Variants in OR7C1 observed in about 807,000 individuals in gnomAD.
OR7C1 encodes the protein olfactory receptor 7C1.
For missense variants in OR7C1, 324 were observed against 383.3 expected, an observed-to-expected ratio of 0.85 and a Z score of 1.29; for synonymous variants, 152 against 160.7, an observed-to-expected ratio of 0.95 and a Z score of 0.41.
rs1296013677 is a variant in OR7C1 at position 14,799,132 on chromosome 19, A to G, written c.*42T>C. ...ATACATTGATGTTTGGATACATTCA[A>G]GAACCACCAAAAGTGCCTCCCAATG... On this transcript the variant is annotated 3_prime_UTR_variant, in exon 5 of 5. Coordinates refer to ENST00000641666, the Ensembl canonical transcript of OR7C1. 1.9e-6 allele frequency: 3 copies of G among 1,550,572 alleles called. No individual in the cohort carries two copies. The South Asian group carries it at 3.8e-5, about 20-fold the overall frequency.
intron 1 of OR7C1, among the ~76,000 whole-genome samples, chr19:14,819,686 G>A (rs555846337): frequency 9.2e-5 from 14 of 152,184 alleles, no homozygotes; most frequent in Non-Finnish European, 1.0e-4. Context: ...GAGATTTCCT[G>A]TGTATTCTTC....
chr19:14,828,175 G>T, intron 1 of OR7C1: 1 of 1,613,790 alleles, frequency 6.2e-7, no homozygotes, highest in Admixed American at 1.7e-5. Flanking sequence ...AAGGGTTGCA[G>T]TCCAGGTTCT....
At chr19:14,823,581 A>G (rs1470405144) in intron 1 of OR7C1, among the ~76,000 whole-genome samples, 1 of 152,208 alleles carries the variant, frequency 6.6e-6, no homozygotes, top group Non-Finnish European at 1.5e-5. Context: ...TGTACATTGT[A>G]CCCATTAAGT....
intron 1 of OR7C1, chr19:14,827,720 GA>G: frequency 6.2e-7 from 1 of 1,614,132 alleles, no homozygotes; most frequent in Non-Finnish European, 8.5e-7. Flanking sequence ...AAAAGTGGGG[GA>G]TTTCTAAGGC....
intron 2 of OR7C1, among the ~76,000 whole-genome samples, chr19:14,806,111 A>T (rs532887478): frequency 2.0e-5 from 3 of 152,054 alleles, no homozygotes; most frequent in Non-Finnish European, 2.9e-5. Context: ...CTTTAACTCA[A>T]GACAAGGTTT....
chr19:14,799,866 A>C (rs753177216), exon 5 of OR7C1: 1 of 1,614,060 alleles, frequency 6.2e-7, no homozygotes. Flanking sequence ...TATGTTATGA[A>C]TTTGTTCTGT....
chr19:14,825,435 T>A (rs1197776323), intron 1 of OR7C1: 1 of 151,970 alleles, frequency 6.6e-6, no homozygotes, highest in Admixed American at 6.6e-5. Context: ...AAGAGTAGAG[T>A]TTAGGTGCTC....
intron 1 of OR7C1, chr19:14,828,047 G>T (rs756772915): frequency 1.2e-6 from 2 of 1,614,200 alleles, no homozygotes; most frequent in South Asian, 1.1e-5. Flanking sequence ...CAAAGGACAG[G>T]TTGGAGAGGA....
chr19:14,828,396 T>C (rs1203385490), intron 1 of OR7C1: 1 of 811,608 alleles, frequency 1.2e-6, no homozygotes, highest in African/African-American at 1.7e-5. Context: ...GGGATCTCCA[T>C]GTCATCTCTG....
chr19:14,832,633 G>A (rs540178545), intron 1 of OR7C1, among the ~76,000 whole-genome samples: 16 of 151,358 alleles, frequency 1.1e-4, no homozygotes, highest in Admixed American at 5.3e-4. Context: ...CACCATGTTG[G>A]CCAGGATGGT....
intron 2 of OR7C1, among the ~76,000 whole-genome samples, chr19:14,805,406 ATTTTTTTTTTTTTTTT>A (rs33957500): frequency 1.0e-5 from 1 of 98,058 alleles, no homozygotes; most frequent in African/African-American, 4.1e-5. Context: ...CAGGAAAATA[ATTTTTTTTTTTTTTTT>A]TTTTTTTTTT....
intron 1 of OR7C1, among the ~76,000 whole-genome samples, chr19:14,818,398 A>G (rs769438924): frequency 6.6e-6 from 1 of 152,122 alleles, no homozygotes; most frequent in African/African-American, 2.4e-5. Flanking sequence ...CCGGCTGATA[A>G]GTCATACATT....
In OR7C1 at chr19:14,808,212, G is replaced by A. The variant is rs980599585; in HGVS notation, c.-435+1594C>T. ...CAGTCTCTATGGAAAACAGTATGGA[G>A]ATTTCCCAAAGAACTAAAAGTAGGA... On this transcript the variant is annotated intron_variant, in intron 2 of 4. Transcript: ENST00000641666. 3.3e-5 allele frequency among the ~76,000 whole-genome samples: 5 copies of A among 151,886 alleles called. No individual in the cohort carries two copies. The East Asian group carries it at 5.8e-4, about 18-fold the overall frequency.
At chr19:14,818,321 C>T (rs185049159) in intron 1 of OR7C1, among the ~76,000 whole-genome samples, 1 of 152,168 alleles carries the variant, frequency 6.6e-6, no homozygotes, top group East Asian at 1.9e-4. Flanking sequence ...GTCTCGATCT[C>T]CTGACCTCGT....
chr19:14,815,924 C>T lies in OR7C1; in HGVS notation c.-622-5931G>A, dbSNP rs549970835. ...GCAGCCTCTACCTCCCCAGCTCAAA[C>T]GATCCTCCCACCTCAACCTCCCAGG... On this transcript the variant is annotated intron_variant, in intron 1 of 4. Coordinates refer to ENST00000641666, the Ensembl canonical transcript of OR7C1. Among the ~76,000 whole-genome samples, 167 of 152,108 alleles carry T rather than the reference C, an allele frequency of 1.1e-3. 3 individuals are homozygous for T. In the South Asian group the frequency reaches 0.032, roughly 29 times the overall value.
chr19:14,834,632 G>A lies in OR7C1; in HGVS notation c.-623+442C>T, dbSNP rs547855759. Among the ~76,000 whole-genome samples the A allele has an allele frequency of 1.2e-4, 18 of 152,080 alleles. No individual in the cohort carries two copies. The South Asian group carries it at 3.3e-3, about 28-fold the overall frequency. On this transcript the variant is annotated intron_variant, in intron 1 of 4. Coordinates refer to ENST00000641666, the Ensembl canonical transcript of OR7C1. ...GCAAAATGGTATTTGCAAGCAATCCGTTCATCTGGATTTTTCTCACGGGCA... is the reference window on the plus strand; with the variant it reads ...GCAAAATGGTATTTGCAAGCAATCCATTCATCTGGATTTTTCTCACGGGCA...
intron 1 of OR7C1, chr19:14,825,144 T>C (rs575857716): frequency 3.7e-4 from 57 of 152,282 alleles, no homozygotes; most frequent in African/African-American, 1.3e-3. Context: ...GGCAAGAGGA[T>C]GGCTTCAGCC....
chr19:14,805,580 C>G (rs1429425335), intron 2 of OR7C1, among the ~76,000 whole-genome samples: 1 of 151,468 alleles, frequency 6.6e-6, no homozygotes, highest in African/African-American at 2.4e-5. Flanking sequence ...CACAGCCGGC[C>G]TTGTTTTGTA....
At chr19:14,804,872 T>C (rs2044658861) in intron 2 of OR7C1, among the ~76,000 whole-genome samples, 1 of 151,944 alleles carries the variant, frequency 6.6e-6, no homozygotes, top group African/African-American at 2.4e-5. Context: ...ATTAATTTCA[T>C]CTCAATAATT....
Sources: allele counts gnomAD v4.1 joint callset (sites outside exome capture counted in the v4.1 genomes callset), GRCh38; gene constraint gnomAD v4.1.1; transcripts MANE v1.5; gene names NCBI Gene and HGNC (gene_info 2026-07-23, HGNC 2026-07-21).